SNF8: variants seen among roughly 807,000 people sequenced by gnomAD.
SNF8 encodes the protein SNF8 subunit of ESCRT-II.
SNF8 carries 19 observed loss-of-function variants against 36.8 expected under a neutral mutation model. The ratio of observed to expected loss-of-function variants is 0.52; its 90% confidence interval spans 0.36 to 0.76. SNF8 has a LOEUF of 0.76. Ranked by LOEUF, SNF8 falls within the 30% of genes least tolerant of loss-of-function variation. The probability of loss-of-function intolerance (pLI) is 0.00; values close to 1 mark genes in which losing one functional copy is unlikely to be tolerated. For synonymous variants in SNF8, 127 were observed against 127.4 expected (o/e 1.00, Z 0.02); for missense variants, 268 against 322.9 (o/e 0.83, Z 1.30).
Position 48,941,003 on chromosome 17 carries a change from C to G in SNF8, c.165G>C (p.Lys55Asn), listed in dbSNP as rs1409126715. 6.2e-7 allele frequency: 1 copy of G among 1,613,760 alleles called. No homozygotes were observed. Among genetic ancestry groups the G allele is most frequent in the Admixed American group, 1.7e-5 (1 of 59,958 alleles). The change falls in exon 3 of 8, where the codon AAG (lysine) becomes AAC (asparagine). Residue 55 changes from lysine to asparagine, a missense_variant. Transcript: ENST00000502492. Reference sequence around the variant, plus strand: ...ACTCAGGATTCTTCCGGATCTCCTGCTTGTGTTTGCTGGCAAATTCCTCCA... The same window carrying G: ...ACTCAGGATTCTTCCGGATCTCCTGGTTGTGTTTGCTGGCAAATTCCTCCA... Reference protein sequence around the residue: ...TNLEEFASKHKQEIRKNPEFR... With the variant: ...TNLEEFASKHNQEIRKNPEFR...
intron 3 of SNF8, among the ~76,000 whole-genome samples, chr17:48,940,093 A>AT (rs1555584139): frequency 4.9e-5 from 7 of 143,416 alleles, no homozygotes; most frequent in South Asian, 2.3e-4. Context: ...AAAAAAAAAA[A>AT]TTTTTTTTTT....
chr17:48,943,205 C>G (rs1182247812), intron 2 of SNF8, among the ~76,000 whole-genome samples: 2 of 151,832 alleles, frequency 1.3e-5, no homozygotes, highest in East Asian at 3.9e-4. Context: ...CGCGGTGGCT[C>G]ACGCCTGTAG....
chr17:48,942,132 G>A (rs2041037707), intron 2 of SNF8, among the ~76,000 whole-genome samples: 1 of 151,984 alleles, frequency 6.6e-6, no homozygotes, highest in African/African-American at 2.4e-5. Flanking sequence ...AAAAGACTTG[G>A]GGATTTTCTG....
chr17:48,933,655 G>T, intron 5 of SNF8: 2 of 295,524 alleles, frequency 6.8e-6, no homozygotes, highest in Non-Finnish European at 1.3e-5. Context: ...GATCACTTGA[G>T]CCCAGGAGTT....
intron 1 of SNF8, 21 bp downstream of exon 1, chr17:48,944,660 G>C (rs1420761546): frequency 1.9e-6 from 3 of 1,611,952 alleles, no homozygotes. Context: ...CAGGTTGTGG[G>C]TCGGCCTTCT....
chr17:48,933,600 G>C (rs2040892471), intron 5 of SNF8: 1 of 424,580 alleles, frequency 2.4e-6, no homozygotes. Flanking sequence ...AATTAGCAGG[G>C]CATGGTGGCA....
At position 48,937,325 on chromosome 17, in the gene SNF8, G is replaced by A. The variant is rs1197833078; in HGVS notation, c.245-201C>T. ...CAGGGTCAGACGGCTCCAGAGGGCA[G>A]GCAATCTAAAAGTCATTTCTGGCCG... On this transcript the variant is annotated intron_variant, in intron 3 of 7. Coordinates refer to ENST00000502492, the MANE Select transcript of SNF8 (RefSeq NM_007241.4). 3 of 679,642 alleles carry A rather than the reference G, an allele frequency of 4.4e-6. No homozygotes were observed. In the East Asian group the frequency reaches 8.5e-5, roughly 19 times the overall value. The allele number at this position is 679,642 out of a possible 1,614,324, so 42.1% of individuals were successfully genotyped here.
Position 48,930,393 on chromosome 17 carries a change from T to G in SNF8, c.*82A>C. 7.4e-7 allele frequency: 1 copy of G among 1,356,538 alleles called. No homozygotes were observed. Among genetic ancestry groups the G allele is most frequent in the East Asian group, 2.6e-5 (1 of 38,370 alleles). The allele number at this position is 1,356,538 out of a possible 1,614,324, so 84.0% of individuals were successfully genotyped here. ...AAAAACTTGGAACTTTTTTTCTATT[T>G]TTTGTATAAACAAAATTGCCCAGGT... On this transcript the variant is annotated 3_prime_UTR_variant, in exon 8 of 8. Transcript: ENST00000502492.
At chr17:48,940,517 G>A (rs55724082) in intron 3 of SNF8, among the ~76,000 whole-genome samples, 62,108 of 151,598 alleles carry the variant, frequency 0.41, 15,324 homozygotes, top group East Asian at 0.71. Context: ...TTGGCCAGGC[G>A]CAGTGGCTCA....
intron 7 of SNF8, 45 bp from the exon 8 acceptor site, chr17:48,930,657 C>T (rs2040844621): frequency 2.5e-6 from 4 of 1,590,896 alleles, no homozygotes; most frequent in Non-Finnish European, 3.4e-6. Flanking sequence ...CAGGGAGGTT[C>T]CATAGACAAA....
At chr17:48,944,573 A>C in intron 1 of SNF8, 108 bp downstream of exon 1, 1 of 1,221,616 alleles carries the variant, frequency 8.2e-7, no homozygotes, top group Non-Finnish European at 1.2e-6. Context: ...CCGAGAAGCC[A>C]GTCTCAGATT....
chr17:48,937,186 A>C, intron 3 of SNF8, 62 bp from the exon 4 acceptor site: 1 of 1,253,672 alleles, frequency 8.0e-7, no homozygotes, highest in Non-Finnish European at 1.2e-6. Context: ...TTTTCTTTCA[A>C]ACCTGCATTA....
intron 3 of SNF8, among the ~76,000 whole-genome samples, chr17:48,939,166 G>A (rs1467969297): frequency 6.6e-6 from 1 of 151,648 alleles, no homozygotes; most frequent in African/African-American, 2.4e-5. Context: ...GGAGGCTGAG[G>A]CAGGAGAATC....
In SNF8 at chr17:48,930,573, G is replaced by T. The variant is rs772353043; in HGVS notation, c.679C>A (p.Gln227Lys). The change falls in exon 8 of 8, where the codon CAG becomes AAG. Residue 227 changes from glutamine to lysine, a missense_variant. By Grantham distance (53) the Gln-to-Lys change is moderately conservative. Coordinates refer to ENST00000502492, the MANE Select transcript of SNF8 (RefSeq NM_007241.4). ...LKEGLAWLDL[Q>K]APGEAHYWLP... ...CAGTAGTGGGCCTCCCCTGGGGCCTGTAAGTCCAGCCACGCCAACCCTTCC... is the reference window on the plus strand; with the variant it reads ...CAGTAGTGGGCCTCCCCTGGGGCCTTTAAGTCCAGCCACGCCAACCCTTCC... 8 of 1,613,904 alleles carry T rather than the reference G, an allele frequency of 5.0e-6. No homozygotes were observed. Among genetic ancestry groups the T allele is most frequent in the Admixed American group, 3.3e-5 (2 of 60,010 alleles).
At chr17:48,930,973 G>C (rs1325259083) in intron 7 of SNF8, among the ~76,000 whole-genome samples, 1 of 152,142 alleles carries the variant, frequency 6.6e-6, no homozygotes, top group East Asian at 1.9e-4. Context: ...AGCTACCTTT[G>C]AATTAAGTTA....
chr17:48,933,068 C>T, intron 6 of SNF8, 137 bp downstream of exon 6: 2 of 854,238 alleles, frequency 2.3e-6, no homozygotes, highest in Non-Finnish European at 3.6e-6. Context: ...GCTGAACAAG[C>T]ACAGGCCTGA....
At chr17:48,943,285 T>C (rs1285672050) in intron 2 of SNF8, among the ~76,000 whole-genome samples, 2 of 150,812 alleles carry the variant, frequency 1.3e-5, no homozygotes, top group African/African-American at 2.4e-5. Flanking sequence ...GCCTGGTCAA[T>C]ATGGCGAAAC....
intron 5 of SNF8, 28 bp downstream of exon 5, chr17:48,936,142 C>A (rs752858443): frequency 4.5e-6 from 7 of 1,562,364 alleles, no homozygotes; most frequent in Non-Finnish European, 6.2e-6. Context: ...TCTTTCTGTA[C>A]TCCAAGGGAT....
chr17:48,940,682 C>T (rs1045287737), intron 3 of SNF8, among the ~76,000 whole-genome samples: 2 of 151,994 alleles, frequency 1.3e-5, no homozygotes, highest in Non-Finnish European at 2.9e-5. Context: ...CCCAGCTACT[C>T]GGGAGGCTGA....
Sources: gnomAD v4.1 joint callset for allele counts (sites outside exome capture counted in the v4.1 genomes callset) on GRCh38, gnomAD v4.1.1 for gene constraint, MANE v1.5 for transcripts, NCBI Gene and HGNC (gene_info 2026-07-23, HGNC 2026-07-21) for gene names.